Variants in PDE6B observed in about 807,000 individuals in gnomAD.
The protein encoded by PDE6B is rod cGMP-specific 3',5'-cyclic phosphodiesterase subunit beta.
In PDE6B, 106 loss-of-function variants were observed where a neutral mutation model predicts 109.0. The observed-to-expected ratio is 0.97, with a 90% CI of 0.83 to 1.14. The LOEUF (loss-of-function observed/expected upper bound fraction) is 1.14. PDE6B is among the 50% of genes most tolerant of loss of function. The probability of loss-of-function intolerance (pLI) is 0.00; values close to 1 mark genes in which losing one functional copy is unlikely to be tolerated. For missense variants in PDE6B, 1,193 were observed against 1,155.6 expected (o/e 1.03, Z -0.47); for synonymous variants, 490 against 471.3 (o/e 1.04, Z -0.51).
intron 2 of PDE6B, among the ~76,000 whole-genome samples, chr4:635,117 G>A (rs1318308082): frequency 1.9e-5 from 2 of 106,134 alleles, no homozygotes; most frequent in East Asian, 2.7e-4. Context: ...GCCTGCCCGC[G>A]TGTTCTGTGC....
Position 665,281 on chromosome 4 carries a change from C to A in PDE6B, c.2220C>A (p.Phe740Leu). 1.9e-6 allele frequency: 3 copies of A among 1,612,914 alleles called. No homozygotes were observed. The highest frequency in any genetic ancestry group is 2.5e-6 in the Non-Finnish European group (3 of 1,179,614). The stretch of plus-strand genomic sequence containing the variant: ...TCGCACTTCTCGTGGCTGCTGAGTT[C>A]TGGGAGCAAGGTGACTTGGAAAGGA... ...SKVALLVAAE[F>L]WEQGDLERTV... Residue 740 changes from phenylalanine to leucine, a missense_variant, in exon 19 of 22, where the codon TTC becomes TTA. Transcript: ENST00000496514. This position sits in a 1 kb window ranked among gnomAD's most constrained non-coding sequence, Gnocchi z 4.0.
At position 664,135 on chromosome 4, in the gene PDE6B, G is replaced by C. The variant is rs1737488295; in HGVS notation, c.2043G>C (p.Lys681Asn). ...TCAGGAAGAGAGCGATGTTTCAGAA[G>C]ATCGTGGATGAGTCCAAGAACTACC... ...LYFKKRAMFQ[K>N]IVDESKNYQD... Residue 681 changes from lysine to asparagine, a missense_variant, in exon 17 of 22, where the codon AAG becomes AAC. By Grantham distance (94) the Lys-to-Asn change is moderately conservative (BLOSUM62 0). Coordinates refer to ENST00000496514, the MANE Select transcript of PDE6B (RefSeq NM_000283.4). The C allele has an allele frequency of 1.9e-6, 3 of 1,610,526 alleles. No individual in the cohort carries two copies. The highest frequency in any genetic ancestry group is 2.5e-6 in the Non-Finnish European group (3 of 1,176,962).
chr4:663,843 T>A lies in PDE6B; in HGVS notation c.1994T>A (p.Ile665Asn), dbSNP rs1338555787. Residue 665 changes from isoleucine to asparagine, a missense_variant, in exon 16 of 22, where the codon ATC becomes AAC. By Grantham distance (149) the Ile-to-Asn change is moderately radical. Transcript: ENST00000496514. This position sits in a 1 kb window ranked among gnomAD's most constrained non-coding sequence, Gnocchi z 4.0. ...HVIHLMDIAI[I>N]ATDLALYFKK... The stretch of plus-strand genomic sequence containing the variant: ...ATCCACCTGATGGACATCGCCATCA[T>A]CGCCACGGACCTGGCCCTGTACTTC... 1.9e-6 allele frequency: 3 copies of A among 1,611,946 alleles called. No individual in the cohort carries two copies. Among genetic ancestry groups the A allele is most frequent in the Non-Finnish European group, 2.5e-6 (3 of 1,179,108 alleles).
At chr4:643,556 G>A (rs1324647976) in intron 3 of PDE6B, among the ~76,000 whole-genome samples, 4 of 152,056 alleles carry the variant, frequency 2.6e-5, no homozygotes, top group African/African-American at 9.7e-5. Flanking sequence ...TTTCTTTTTG[G>A]ATGATTATTA....
Position 649,285 on chromosome 4 carries a change from G to T in PDE6B, c.712-4567G>T, listed in dbSNP as rs1430406484. Among the ~76,000 whole-genome samples, 3 of 152,150 alleles carry T rather than the reference G, an allele frequency of 2.0e-5. No individual in the cohort carries two copies. In the East Asian group the frequency reaches 5.8e-4, roughly 29 times the overall value. On this transcript the variant is annotated intron_variant, in intron 3 of 21. Transcript: ENST00000496514. ...ATTGTCATAATGGCTATGTTTAATG[G>T]CTGGCTCTCAGAATGCCTGAGGATT...
Position 665,360 on chromosome 4 carries a change from T to C in PDE6B, c.2268+31T>C. On this transcript the variant is annotated intron_variant, in intron 19 of 21. Coordinates refer to ENST00000496514, the MANE Select transcript of PDE6B (RefSeq NM_000283.4). This position sits in a 1 kb window ranked among gnomAD's most constrained non-coding sequence, Gnocchi z 4.0. ...TGCTGCTTCTGGAACCTTCCACTCC[T>C]GAAACGGGTGTTAGAGACCCCTCTT... 6.7e-7 allele frequency: 1 copy of C among 1,497,924 alleles called. No homozygotes were observed. The highest frequency in any genetic ancestry group is 1.4e-5 in the African/African-American group (1 of 72,756). The allele number at this position is 1,497,924 out of a possible 1,614,324, so 92.8% of individuals were successfully genotyped here. A position where few individuals can be genotyped will look rare whatever the true frequency, so the allele number is the denominator to read the frequency against.
chr4:658,957 C>A lies in PDE6B; in HGVS notation c.1407C>A (p.Thr469=). 1 of 1,612,622 alleles carries A rather than the reference C, an allele frequency of 6.2e-7. No homozygotes were observed. Among genetic ancestry groups the A allele is most frequent in the Non-Finnish European group, 8.5e-7 (1 of 1,178,992 alleles). The stretch of plus-strand genomic sequence containing the variant: ...ACATCTGTGTCTCTGTGTAGCCAAC[C>A]AGAGCGCGCCTGGGGAAGGAGCCTG... ...DRDEIQLILP[T]RARLGKEPAD... Residue 469 remains threonine, a synonymous_variant, in exon 11 of 22, where the codon ACC becomes ACA. Transcript: ENST00000496514.
intron 20 of PDE6B, 79 bp from the exon 21 acceptor site, chr4:667,777 G>C: frequency 6.8e-7 from 1 of 1,471,614 alleles, no homozygotes; most frequent in South Asian, 1.1e-5. Flanking sequence ...CTACGAGGGG[G>C]ATGAGCTGGG....
At position 653,863 on chromosome 4, in the gene PDE6B, G is replaced by A; in HGVS notation, c.723G>A (p.Trp241Ter). ...CETRRGQVLL[W>*]SANKVFEELT... ...GCCCCTCCCTCCAGGTGCTGCTGTG[G>A]TCGGCCAACAAGGTGTTTGAGGAGC... The change falls in exon 4 of 22, where the codon TGG becomes TGA. Residue 241 changes from tryptophan (W) to a stop codon, truncating the protein, a stop_gained. Transcript: ENST00000496514. LOFTEE classifies it high-confidence loss of function. 1 of 1,613,706 alleles carries A rather than the reference G, an allele frequency of 6.2e-7. No homozygotes were observed. Among genetic ancestry groups the A allele is most frequent in the Non-Finnish European group, 8.5e-7 (1 of 1,180,030 alleles).
chr4:628,995 A>C (rs1375376982), intron 1 of PDE6B, among the ~76,000 whole-genome samples: 1 of 152,228 alleles, frequency 6.6e-6, no homozygotes, highest in African/African-American at 2.4e-5. Context: ...CTGGGCATGG[A>C]TTGTGAACCC....
At position 664,958 on chromosome 4, in the gene PDE6B, G is replaced by A. The variant is rs763070500; in HGVS notation, c.2193+14G>A. 7.5e-6 allele frequency: 12 copies of A among 1,603,648 alleles called. No individual in the cohort carries two copies. The South Asian group carries it at 1.1e-4, about 15-fold the overall frequency. On this transcript the variant is annotated intron_variant, in intron 18 of 21. Transcript: ENST00000496514. ...GTCCAGAGCAAGGTTAGAACAGAGG[G>A]CCCTCCAGACCCAGAGTCAGTGCCT...
At chr4:627,932 C>T (rs1023069117) in intron 1 of PDE6B, among the ~76,000 whole-genome samples, 2 of 152,022 alleles carry the variant, frequency 1.3e-5, no homozygotes, top group Admixed American at 6.5e-5. Flanking sequence ...TAGGTCCGTC[C>T]CTCGGCCTGG....
In PDE6B at chr4:665,349, C is replaced by T. The variant is rs201982527; in HGVS notation, c.2268+20C>T. 11 of 1,556,216 alleles carry T rather than the reference C, an allele frequency of 7.1e-6. No homozygotes were observed. The highest frequency in any genetic ancestry group is 6.7e-5 in the East Asian group (3 of 44,592). ...CCCATTGTGAGTGCTGCTTCTGGAA[C>T]CTTCCACTCCTGAAACGGGTGTTAG... On this transcript the variant is annotated intron_variant, in intron 19 of 21. Transcript: ENST00000496514. The surrounding 1 kb of genome is among the most constrained non-coding windows in gnomAD (Gnocchi z 4.0).
At chr4:640,713 T>C in intron 3 of PDE6B, among the ~76,000 whole-genome samples, 1 of 152,240 alleles carries the variant, frequency 6.6e-6, no homozygotes, top group East Asian at 1.9e-4. Flanking sequence ...GAAAGGTGTG[T>C]AAGGACTGCA....
In PDE6B at chr4:663,127, C is replaced by T. The variant is rs371908618; in HGVS notation, c.1860C>T (p.His620=). The T allele has an allele frequency of 9.3e-6, 15 of 1,611,592 alleles. No homozygotes were observed. The highest frequency in any genetic ancestry group is 2.2e-5 in the East Asian group (1 of 44,848). ...CCCAGAACCCCTTGGCTAAGCTCCA[C>T]GGCTCCTCGATTTTGGAGCGGCACC... ...MKSQNPLAKL[H]GSSILERHHL... is the part of the protein sequence containing the mutation. Residue 620 remains histidine (H), a synonymous_variant, in exon 15 of 22, where the codon CAC becomes CAT. Transcript: ENST00000496514. This position sits in a 1 kb window ranked among gnomAD's most constrained non-coding sequence, Gnocchi z 4.0.
At chr4:638,994 G>A (rs892121877) in intron 3 of PDE6B, among the ~76,000 whole-genome samples, 14 of 152,192 alleles carry the variant, frequency 9.2e-5, no homozygotes, top group Non-Finnish European at 1.9e-4. Context: ...GGGTCCCAGG[G>A]AAAAGCTGGC....
Position 662,360 on chromosome 4 carries a change from ACGCCCTCTGACACCGTGCAC to A in PDE6B, c.1722+123_1723-126del. The A allele has an allele frequency of 1.2e-6, 1 of 813,470 alleles. No homozygotes were observed. The allele number at this position is 813,470 out of a possible 1,614,324, so 50.4% of individuals were successfully genotyped here. The stretch of plus-strand genomic sequence containing the variant: ...CAGGGCAGAAGGATGGAGGAGGGCA[ACGCCCTCTGACACCGTGCAC>A]CGCGCACCCCAGCCCTGCGGTGGTC... On this transcript the variant is annotated intron_variant, in intron 13 of 21. Coordinates refer to ENST00000496514, the MANE Select transcript of PDE6B (RefSeq NM_000283.4). The surrounding 1 kb of genome is among the most constrained non-coding windows in gnomAD (Gnocchi z 4.3).
intron 3 of PDE6B, among the ~76,000 whole-genome samples, chr4:646,398 T>G (rs937306122): frequency 5.3e-5 from 8 of 151,924 alleles, no homozygotes; most frequent in African/African-American, 1.9e-4. Context: ...CTCGAGGTTT[T>G]CAGCTTGGTT....
intron 5 of PDE6B, 157 bp downstream of exon 5, chr4:654,311 C>T: frequency 1.4e-6 from 1 of 728,818 alleles, no homozygotes; most frequent in Non-Finnish European, 2.4e-6. Flanking sequence ...CACCAGGCTC[C>T]CCTGCTGCTG....
Sources: allele counts gnomAD v4.1 joint callset (sites outside exome capture counted in the v4.1 genomes callset), GRCh38; gene constraint gnomAD v4.1.1; non-coding constraint Gnocchi (gnomAD v3.1); transcripts MANE v1.5; gene names NCBI Gene and HGNC (gene_info 2026-07-23, HGNC 2026-07-21).